NAALADL2: variants seen among roughly 807,000 people sequenced by gnomAD.
NAALADL2 encodes the protein inactive N-acetylated-alpha-linked acidic dipeptidase-like protein 2.
Under a neutral mutation model 87.2 loss-of-function variants are expected in NAALADL2, and 76 were observed. That is an observed-to-expected ratio of 0.87 (90% CI 0.72 to 1.05). The LOEUF (loss-of-function observed/expected upper bound fraction) is 1.05, where lower values mean the gene tolerates loss of function less well. NAALADL2 is among the 50% of genes least tolerant of loss of function. The pLI, the probability that NAALADL2 is intolerant of heterozygous loss-of-function variation, is 0.00. For missense variants in NAALADL2, 1,089 were observed against 945.8 expected (o/e 1.15, Z -1.99); for synonymous variants, 354 against 331.0 (o/e 1.07, Z -0.75).
chr3:174,814,616 T>C (rs1256896464), intron 3 of NAALADL2, among the ~76,000 whole-genome samples: 2 of 152,184 alleles, frequency 1.3e-5, no homozygotes, highest in Admixed American at 6.6e-5. Context: ...AAATAATTAA[T>C]ATCAAATTTA....
intron 1 of NAALADL2, among the ~76,000 whole-genome samples, chr3:175,007,517 A>T (rs1749196087): frequency 6.6e-6 from 1 of 152,198 alleles, no homozygotes; most frequent in Admixed American, 6.5e-5. Flanking sequence ...ACCATCAGAA[A>T]GAAGGCCCCT....
At position 175,358,253 on chromosome 3, in the gene NAALADL2, A is replaced by G. The variant is rs1235458903; in HGVS notation, c.1090+33928A>G. On this transcript the variant is annotated intron_variant, in intron 5 of 13. Transcript: ENST00000454872. ...TTTTTCCTAATTTTGACATGCAATC[A>G]TTTTCTTCTTATTTATCCTTATAAC... 4.6e-5 allele frequency among the ~76,000 whole-genome samples: 7 copies of G among 152,028 alleles called. No individual in the cohort carries two copies. In the South Asian group the frequency reaches 1.2e-3, roughly 27 times the overall value.
rs140274174 is a variant in NAALADL2, at chr3:175,355,107, C to T, written c.1090+30782C>T. Reference sequence around the variant, plus strand: ...TCTTTGAGGCAGAGTCTTGCCCTGTCGCCCAGGCTGGAGTGCAGTTGCATG... The same window carrying T: ...TCTTTGAGGCAGAGTCTTGCCCTGTTGCCCAGGCTGGAGTGCAGTTGCATG... On this transcript the variant is annotated intron_variant, in intron 5 of 13. Coordinates refer to ENST00000454872, the MANE Select transcript of NAALADL2 (RefSeq NM_207015.3). 7.8e-3 allele frequency among the ~76,000 whole-genome samples: 1,169 copies of T among 150,418 alleles called. 8 individuals carry two copies. The highest frequency in any genetic ancestry group is 0.027 in the African/African-American group (1,085 of 40,786).
chr3:174,896,147 T>C (rs1210375549), intron 1 of NAALADL2, among the ~76,000 whole-genome samples: 1 of 152,118 alleles, frequency 6.6e-6, no homozygotes, highest in African/African-American at 2.4e-5. Context: ...CTGTCACCAC[T>C]GTGGTTCTAC....
At chr3:174,790,203 C>T (rs533676358) in intron 3 of NAALADL2, among the ~76,000 whole-genome samples, 5 of 152,222 alleles carry the variant, frequency 3.3e-5, no homozygotes, top group South Asian at 2.1e-4. Flanking sequence ...GAGTCAAGAT[C>T]GGGGAATCTC....
intron 9 of NAALADL2, among the ~76,000 whole-genome samples, chr3:175,530,582 C>G (rs757570882): frequency 1.4e-4 from 22 of 152,168 alleles, no homozygotes; most frequent in Non-Finnish European, 2.8e-4. Context: ...GCAGAACCAT[C>G]TGTGAACCAG....
chr3:174,991,483 A>T (rs1746740346), intron 1 of NAALADL2, among the ~76,000 whole-genome samples: 1 of 151,952 alleles, frequency 6.6e-6, no homozygotes. Context: ...TTTTTATTTG[A>T]TATATGTTTT....
At chr3:175,072,793 C>T (rs990466862) in intron 1 of NAALADL2, among the ~76,000 whole-genome samples, 2 of 150,682 alleles carry the variant, frequency 1.3e-5, no homozygotes, top group African/African-American at 4.9e-5. Context: ...ACATATGTAA[C>T]AAACCTGCAC....
At chr3:175,423,028 A>AAAAATAT (rs1438736874) in intron 5 of NAALADL2, among the ~76,000 whole-genome samples, 29 of 111,292 alleles carry the variant, frequency 2.6e-4, no homozygotes, top group African/African-American at 1.1e-3. Context: ...GAAAAAAAAA[A>AAAAATAT]ATATATATAT....
chr3:174,844,588 A>G (rs1033396895), intron 3 of NAALADL2, among the ~76,000 whole-genome samples: 15 of 152,016 alleles, frequency 9.9e-5, no homozygotes, highest in Non-Finnish European at 1.0e-4. Flanking sequence ...TTTGGTTGCA[A>G]TTGGCATTAT....
intron 12 of NAALADL2, among the ~76,000 whole-genome samples, chr3:175,743,848 TG>T (rs1745579082): frequency 6.6e-6 from 1 of 152,140 alleles, no homozygotes; most frequent in Non-Finnish European, 1.5e-5. Context: ...GTGTGGCACA[TG>T]GTTGCTAGAA....
intron 5 of NAALADL2, among the ~76,000 whole-genome samples, chr3:175,425,039 A>G (rs752810675): frequency 6.6e-6 from 1 of 152,196 alleles, no homozygotes; most frequent in Admixed American, 6.5e-5. Context: ...AGAAATATTT[A>G]GAAAGTAAAA....
chr3:174,764,643 G>A (rs934742353), intron 3 of NAALADL2, among the ~76,000 whole-genome samples: 3 of 151,976 alleles, frequency 2.0e-5, no homozygotes, highest in Non-Finnish European at 4.4e-5. Context: ...TAAATAAAAA[G>A]CAAACAAAAC....
At chr3:175,689,141 A>G (rs1409057918) in intron 11 of NAALADL2, among the ~76,000 whole-genome samples, 1 of 152,204 alleles carries the variant, frequency 6.6e-6, no homozygotes, top group Non-Finnish European at 1.5e-5. Flanking sequence ...AGAAAAGTGA[A>G]AAATGGCTTT....
At chr3:174,882,815 A>ATATACACACGTGTATATATACACACG (rs1560319837) in intron 1 of NAALADL2, among the ~76,000 whole-genome samples, 1 of 135,284 alleles carries the variant, frequency 7.4e-6, no homozygotes, top group African/African-American at 3.5e-5. Flanking sequence ...ATATGTGCAT[A>ATATACACACGTGTATATATACACACG]TGTGTATATA....
intron 3 of NAALADL2, among the ~76,000 whole-genome samples, chr3:174,792,362 T>C (rs1717569351): frequency 6.6e-6 from 1 of 152,138 alleles, no homozygotes; most frequent in Admixed American, 6.6e-5. Flanking sequence ...GATTTTGTTA[T>C]TTTCAATTTA....
chr3:175,267,746 C>T (rs909381642), intron 4 of NAALADL2, among the ~76,000 whole-genome samples: 12 of 152,034 alleles, frequency 7.9e-5, no homozygotes, highest in African/African-American at 2.7e-4. Context: ...TCTCCCTGTC[C>T]ACATTTGTTT....
intron 2 of NAALADL2, among the ~76,000 whole-genome samples, chr3:174,657,041 C>CTTTTTTTTTTTTTTTTTTTT (rs60569510): frequency 8.6e-6 from 1 of 115,818 alleles, no homozygotes; most frequent in Admixed American, 9.0e-5. Context: ...TTTCCTTCTT[C>CTTTTTTTTTTTTTTTTTTTT]TTTTTTTTTT....
intron 6 of NAALADL2, among the ~76,000 whole-genome samples, chr3:175,454,988 A>G (rs1375061441): frequency 6.6e-6 from 1 of 152,128 alleles, no homozygotes; most frequent in East Asian, 1.9e-4. Flanking sequence ...GAAAAGGGAT[A>G]CCATTGCTAC....
Sources: gnomAD v4.1 joint callset for allele counts (sites outside exome capture counted in the v4.1 genomes callset) on GRCh38, gnomAD v4.1.1 for gene constraint, MANE v1.5 for transcripts, NCBI Gene and HGNC (gene_info 2026-07-23, HGNC 2026-07-21) for gene names.